The following HEATR6 variants were observed in gnomAD, a reference collection of about 807,000 sequenced individuals.
HEATR6 encodes HEAT repeat containing 6, also known as HEAT repeat-containing protein 6.
HEATR6 carries 106 observed loss-of-function variants against 132.8 expected under a neutral mutation model. The observed-to-expected ratio is 0.80, with a 90% CI of 0.68 to 0.94. The LOEUF (loss-of-function observed/expected upper bound fraction) is 0.94, where lower values mean the gene tolerates loss of function less well. HEATR6 is among the 40% of genes least tolerant of loss of function. The pLI is 0.00. For missense variants in HEATR6, 1,339 were observed against 1,425.1 expected, an observed-to-expected ratio of 0.94 and a Z score of 0.97; for synonymous variants, 529 against 537.8, an observed-to-expected ratio of 0.98 and a Z score of 0.23.
In HEATR6 at chr17:60,057,163, C is replaced by T. The variant is rs769447556; in HGVS notation, c.1964G>A (p.Arg655Gln). 9 of 1,614,016 alleles carry T rather than the reference C, an allele frequency of 5.6e-6. No homozygotes were observed. Among genetic ancestry groups the T allele is most frequent in the East Asian group, 2.2e-5 (1 of 44,898 alleles). The change falls in exon 12 of 20, where the codon CGA becomes CAA. Residue 655 changes from arginine to glutamine, a missense_variant. By Grantham distance (43) the Arg-to-Gln change is conservative (BLOSUM62 1). Transcript: ENST00000184956. ...CAGTACGACAATGGAAATGCAGAGTCGAATGAGCCAGCAGGGCTCTGAAGA... is the reference window on the plus strand; with the variant it reads ...CAGTACGACAATGGAAATGCAGAGTTGAATGAGCCAGCAGGGCTCTGAAGA... ...KGSSEPCWLI[R>Q]LCISIVVLPK...
chr17:60,057,084 G>A lies in HEATR6; in HGVS notation c.2043C>T (p.Thr681=), dbSNP rs1906767289. The A allele has an allele frequency of 2.5e-6, 4 of 1,612,494 alleles. No homozygotes were observed. The highest frequency in any genetic ancestry group is 3.4e-6 in the Non-Finnish European group (4 of 1,179,076). The change falls in exon 12 of 20, where the codon ACC becomes ACT. Residue 681 remains threonine, a synonymous_variant. Transcript: ENST00000184956. ...GSDAGSAAGS[T]YEPSPMRLEA... is the part of the protein sequence containing the mutation. The stretch of plus-strand genomic sequence containing the variant: ...CCAGTCGCATGGGGGATGGTTCGTA[G>A]GTGCTTCCTGCTGCAGAGCCAGCAT...
In HEATR6 at chr17:60,073,754, A is replaced by AT. The variant is rs1451901271; in HGVS notation, c.459dup (p.Cys154MetfsTer20). The AT allele has an allele frequency of 6.2e-7, 1 of 1,613,762 alleles. No homozygotes were observed. The highest frequency in any genetic ancestry group is 8.5e-7 in the Non-Finnish European group (1 of 1,179,900). ...AAAGCACTTTAAACTACCTTTTGAC[A>AT]TTTGGAGCCATTGCAGTACACCAGA... On this transcript the variant is annotated frameshift_variant, in exon 3 of 20. Coordinates refer to ENST00000184956, the MANE Select transcript of HEATR6 (RefSeq NM_022070.5). LOFTEE classifies it high-confidence loss of function.
chr17:60,066,870 G>A (rs1395090125), intron 8 of HEATR6, among the ~76,000 whole-genome samples: 3 of 152,176 alleles, frequency 2.0e-5, no homozygotes, highest in Non-Finnish European at 4.4e-5. Context: ...AGGCTTCCCG[G>A]GGAATATGAT....
chr17:60,069,818 T>C lies in HEATR6; in HGVS notation c.832A>G (p.Asn278Asp). 6.2e-7 allele frequency: 1 copy of C among 1,614,024 alleles called. No homozygotes were observed. Among genetic ancestry groups the C allele is most frequent in the Non-Finnish European group, 8.5e-7 (1 of 1,180,012 alleles). Reference sequence around the variant, plus strand: ...TATAACACCGTGGGCATCTCTATGTTTAGTCCAGGGAGTCCGTGAAACATG... The same window carrying C: ...TATAACACCGTGGGCATCTCTATGTCTAGTCCAGGGAGTCCGTGAAACATG... ...KFMFHGLPGL[N>D]IEMPTVLYPT... Residue 278 changes from asparagine (N) to aspartate (D), a missense_variant, in exon 7 of 20, where the codon AAC (asparagine) becomes GAC (aspartate). Physicochemically the swap from Asn to Asp is conservative, Grantham distance 23 (BLOSUM62 1). Transcript: ENST00000184956.
At chr17:60,076,826 T>C (rs956311970) in intron 1 of HEATR6, 2 of 151,674 alleles carry the variant, frequency 1.3e-5, no homozygotes, top group African/African-American at 4.8e-5. Flanking sequence ...GCTTCTAGGG[T>C]ATGAAAGCAC....
rs766423127 is a variant in HEATR6, at chr17:60,059,375, G to A, written c.1723+47C>T. On this transcript the variant is annotated intron_variant, in intron 11 of 19. Coordinates refer to ENST00000184956, the MANE Select transcript of HEATR6 (RefSeq NM_022070.5). ...ATCTGTATATTTTTACTAATAGTCT[G>A]CATCTGACTGATACAAAGAAGCCAT... The A allele has an allele frequency of 7.6e-6, 8 of 1,053,916 alleles. No homozygotes were observed. The South Asian group carries it at 8.0e-5, about 11-fold the overall frequency. The allele number at this position is 1,053,916 out of a possible 1,614,324, so 65.3% of individuals were successfully genotyped here.
chr17:60,054,011 G>A (rs912366127), intron 14 of HEATR6, among the ~76,000 whole-genome samples: 3 of 152,194 alleles, frequency 2.0e-5, no homozygotes, highest in African/African-American at 4.8e-5. Context: ...CCAAGACTAC[G>A]GGAAAACAGC....
At position 60,060,063 on chromosome 17, in the gene HEATR6, T is replaced by G; in HGVS notation, c.1450A>C (p.Ile484Leu). ...RACALQVLSA[I>L]LEGSKQFLSV... The stretch of plus-strand genomic sequence containing the variant: ...AGAAACTGCTTTGAGCCTTCCAAGA[T>G]GGCAGATAAAACTTGCAGAGCACAG... Residue 484 changes from isoleucine to leucine, a missense_variant, in exon 10 of 20, where the codon ATC becomes CTC. Ile to Leu is a conservative substitution (Grantham distance 5). Transcript: ENST00000184956. 1.2e-6 allele frequency: 2 copies of G among 1,614,058 alleles called. No homozygotes were observed. Among genetic ancestry groups the G allele is most frequent in the South Asian group, 1.1e-5 (1 of 91,076 alleles).
intron 7 of HEATR6, 75 bp from the exon 8 acceptor site, chr17:60,067,807 A>C (rs2083250445): frequency 3.3e-6 from 4 of 1,211,328 alleles, no homozygotes; most frequent in Non-Finnish European, 4.6e-6. Flanking sequence ...TTACTTCTTC[A>C]TTTTAAAGTG....
intron 12 of HEATR6, 87 bp from the exon 13 acceptor site, chr17:60,056,324 C>G: frequency 7.5e-7 from 1 of 1,326,524 alleles, no homozygotes; most frequent in Middle Eastern, 1.9e-4. Context: ...TCAGAAATCG[C>G]TTACATTTAA....
At chr17:60,076,392 A>T (rs771610547) in intron 1 of HEATR6, 155 bp from the exon 2 acceptor site, 2 of 581,614 alleles carry the variant, frequency 3.4e-6, no homozygotes, top group Non-Finnish European at 6.1e-6. Flanking sequence ...GATAGCACAA[A>T]AACAGCATGT....
rs745378964 is a variant in HEATR6, at chr17:60,057,392, G to A, written c.1735C>T (p.Arg579Cys). 22 of 1,589,642 alleles carry A rather than the reference G, an allele frequency of 1.4e-5. No homozygotes were observed. The highest frequency in any genetic ancestry group is 8.1e-5 in the African/African-American group (6 of 74,334). Residue 579 changes from arginine (R) to cysteine (C), a missense_variant, in exon 12 of 20, where the codon CGT becomes TGT. Arg to Cys is a radical substitution (Grantham distance 180, BLOSUM62 -3). Coordinates refer to ENST00000184956, the MANE Select transcript of HEATR6 (RefSeq NM_022070.5). Reference protein sequence around the residue: ...PYIRHKDVNVRVSSLTLLGAI... With the variant: ...PYIRHKDVNVCVSSLTLLGAI... Reference sequence around the variant, plus strand: ...CCCAAGAGTGTGAGACTTGACACACGAACATTAACATCTGTCAAAGGAAGC... The same window carrying A: ...CCCAAGAGTGTGAGACTTGACACACAAACATTAACATCTGTCAAAGGAAGC...
chr17:60,078,827 A>G lies in HEATR6; in HGVS notation c.88T>C (p.Phe30Leu). The change falls in exon 1 of 20, where the codon TTT becomes CTT. Residue 30 changes from phenylalanine to leucine, a missense_variant. Coordinates refer to ENST00000184956, the MANE Select transcript of HEATR6 (RefSeq NM_022070.5). The stretch of plus-strand genomic sequence containing the variant: ...CAGAGCCTGGCAGACAAGAGGCGAA[A>G]CCCATTGCCTCGCTCAGGGATTGCT... Reference protein sequence around the residue: ...REAIPERGNGFRLLSARLCAL... With the variant: ...REAIPERGNGLRLLSARLCAL... 2.5e-6 allele frequency: 4 copies of G among 1,605,650 alleles called. No individual in the cohort carries two copies. Among genetic ancestry groups the G allele is most frequent in the Non-Finnish European group, 2.5e-6 (3 of 1,177,316 alleles).
intron 19 of HEATR6, among the ~76,000 whole-genome samples, chr17:60,045,758 C>G (rs535563731): frequency 6.6e-6 from 1 of 152,192 alleles, no homozygotes; most frequent in East Asian, 1.9e-4. Flanking sequence ...TATTTAATAC[C>G]TGCTTTCATT....
chr17:60,041,809 C>G lies in HEATR6; in HGVS notation c.*1754G>C, dbSNP rs73994271. On this transcript the variant is annotated 3_prime_UTR_variant, in exon 20 of 20. Transcript: ENST00000184956. ...GGCAAAGGAGAAAAATGGAAGACACCTGCCTTTACACGTGTATTTTAAGCT... is the reference window on the plus strand; with the variant it reads ...GGCAAAGGAGAAAAATGGAAGACACGTGCCTTTACACGTGTATTTTAAGCT... 0.024 allele frequency among the ~76,000 whole-genome samples: 3,613 copies of G among 152,232 alleles called. 124 individuals are homozygous for G. The highest frequency in any genetic ancestry group is 0.078 in the African/African-American group (3,233 of 41,530).
Position 60,057,199 on chromosome 17 carries a change from G to A in HEATR6, c.1928C>T (p.Ser643Leu), listed in dbSNP as rs1471761390. ...GPSLEETSVS[S>L]PKGSSEPCWL... ...GCAGGGCTCTGAAGACCCCTTAGGT[G>A]AGCTAACTGACGTTTCTTCCAGAGA... Residue 643 changes from serine (S) to leucine (L), a missense_variant, in exon 12 of 20, where the codon TCA (serine) becomes TTA (leucine). Transcript: ENST00000184956. 1.2e-6 allele frequency: 2 copies of A among 1,614,168 alleles called. No individual in the cohort carries two copies. The highest frequency in any genetic ancestry group is 4.5e-5 in the East Asian group (2 of 44,884).
Position 60,066,238 on chromosome 17 carries a change from T to C in HEATR6, c.1387A>G (p.Thr463Ala), listed in dbSNP as rs2083239719. The change falls in exon 9 of 20, where the codon ACT becomes GCT. Residue 463 changes from threonine (T) to alanine (A), a missense_variant. Coordinates refer to ENST00000184956, the MANE Select transcript of HEATR6 (RefSeq NM_022070.5). Reference protein sequence around the residue: ...LGSPQSVSLMTLTLKDPSPKT... With the variant: ...LGSPQSVSLMALTLKDPSPKT... Reference sequence around the variant, plus strand: ...GGAGAAGGGTCTTTCAATGTAAGAGTCATCAAGGACACTGACTGTGGGCTG... The same window carrying C: ...GGAGAAGGGTCTTTCAATGTAAGAGCCATCAAGGACACTGACTGTGGGCTG... The C allele has an allele frequency of 5.6e-6, 9 of 1,613,872 alleles. No individual in the cohort carries two copies. The highest frequency in any genetic ancestry group is 7.6e-6 in the Non-Finnish European group (9 of 1,179,914).
In HEATR6 at chr17:60,048,275, CAG is replaced by C. The variant is rs1395886714; in HGVS notation, c.2659_2660del (p.Leu887AspfsTer34). The C allele has an allele frequency of 1.2e-6, 2 of 1,613,100 alleles. No individual in the cohort carries two copies. The highest frequency in any genetic ancestry group is 2.7e-5 in the African/African-American group (2 of 74,874). On this transcript the variant is annotated frameshift_variant, in exon 17 of 20. Coordinates refer to ENST00000184956, the MANE Select transcript of HEATR6 (RefSeq NM_022070.5). LOFTEE classifies it high-confidence loss of function. ...AWSLGNLTDT[L>X]IVNMETPDPS... ...GCTCAGTCACCTACATGTTGACAATCAGAGTGTCTGTCAGGTTGCCCAGGGAC... is the reference window on the plus strand; with the variant it reads ...GCTCAGTCACCTACATGTTGACAATCAGTGTCTGTCAGGTTGCCCAGGGAC...
chr17:60,059,546 T>C, intron 10 of HEATR6, 25 bp from the exon 11 acceptor site: 2 of 1,502,102 alleles, frequency 1.3e-6, no homozygotes, highest in Non-Finnish European at 1.8e-6. Flanking sequence ...AAGTAGCTCA[T>C]CAAAAGGCTT....
Sources: allele counts gnomAD v4.1 joint callset (sites outside exome capture counted in the v4.1 genomes callset), GRCh38; gene constraint gnomAD v4.1.1; transcripts MANE v1.5; gene names NCBI Gene and HGNC (gene_info 2026-07-23, HGNC 2026-07-21).